CIMAP1D: variants seen among roughly 807,000 people sequenced by gnomAD.
The protein encoded by CIMAP1D is protein CIMAP1D.
At chr19:479,186 G>A in the CIMAP1D span, among the ~76,000 whole-genome samples, 1 of 152,182 alleles carries the variant, frequency 6.6e-6, no homozygotes, top group Non-Finnish European at 1.5e-5. Flanking sequence ...GGGCTGCTGA[G>A]GGCCATCACC....
At chr19:480,758 G>A in the CIMAP1D span, among the ~76,000 whole-genome samples, 11,751 of 86,356 alleles carry the variant, frequency 0.14, 801 homozygotes, top group African/African-American at 0.24. Context: ...CGATGATGGA[G>A]AACGATGATG....
the CIMAP1D span, among the ~76,000 whole-genome samples, chr19:476,037 C>T: frequency 2.8e-5 from 4 of 141,624 alleles, no homozygotes; most frequent in Admixed American, 2.2e-4. Flanking sequence ...CTTGCTCCCC[C>T]GCCCAGGCTG....
chr19:469,025 G>GAAACGTCATCCAAACCTTTGCCCTCC, the CIMAP1D span, among the ~76,000 whole-genome samples: 1 of 151,944 alleles, frequency 6.6e-6, no homozygotes, highest in African/African-American at 2.4e-5. Context: ...AGACCTCCCC[G>GAAACGTCATCCAAACCTTTGCCCTCC]CCACAGGCAC....
chr19:487,388 C>T, the CIMAP1D span, among the ~76,000 whole-genome samples: 1 of 132,772 alleles, frequency 7.5e-6, no homozygotes, highest in South Asian at 2.2e-4. Context: ...ACTAGCCTGG[C>T]TCATGGTCTC....
At chr19:475,035 C>A in the CIMAP1D span, 33 of 330,374 alleles carry the variant, frequency 1.0e-4, no homozygotes, top group Admixed American at 1.5e-3. Flanking sequence ...CAGCAGAGTG[C>A]GTCTCCCGGG....
chr19:486,481 C>A, the CIMAP1D span, among the ~76,000 whole-genome samples: 1 of 151,990 alleles, frequency 6.6e-6, no homozygotes, highest in African/African-American at 2.4e-5. Flanking sequence ...TGCTCTATCA[C>A]CCAGGCTGGA....
At chr19:480,455 GAGGATGATGGGAAGGATGATGGGGA>G in the CIMAP1D span, among the ~76,000 whole-genome samples, 1 of 100,656 alleles carries the variant, frequency 9.9e-6, no homozygotes, top group Non-Finnish European at 1.9e-5. Flanking sequence ...GATGATAGGG[GAGGATGATGGGAAGGATGATGGGGA>G]AGGATGATGG....
chr19:480,863 G>GATGGAGAACA, the CIMAP1D span, among the ~76,000 whole-genome samples: 1 of 137,482 alleles, frequency 7.3e-6, no homozygotes, highest in African/African-American at 3.2e-5. Context: ...GATGGAGAAC[G>GATGGAGAACA]ATGATGGAAA....
At chr19:480,833 GA>G in the CIMAP1D span, among the ~76,000 whole-genome samples, 1 of 138,120 alleles carries the variant, frequency 7.2e-6, no homozygotes, top group African/African-American at 3.2e-5. Flanking sequence ...AAGGATGATG[GA>G]AAGGATGATG....
At chr19:480,304 C>T in the CIMAP1D span, among the ~76,000 whole-genome samples, 3 of 152,326 alleles carry the variant, frequency 2.0e-5, no homozygotes, top group East Asian at 5.8e-4. Flanking sequence ...ACTGTGGGGA[C>T]ACGGGTGACG....
At chr19:474,341 A>G in the CIMAP1D span, among the ~76,000 whole-genome samples, 1 of 152,212 alleles carries the variant, frequency 6.6e-6, no homozygotes, top group South Asian at 2.1e-4. Flanking sequence ...CGTCTCCCGC[A>G]TGATCGCTGT....
chr19:466,552 T>C, the CIMAP1D span, among the ~76,000 whole-genome samples: 3 of 137,332 alleles, frequency 2.2e-5, no homozygotes, highest in Admixed American at 2.2e-4. Flanking sequence ...GGGTGGATGG[T>C]TGGGAGGGTG....
the CIMAP1D span, among the ~76,000 whole-genome samples, chr19:479,811 C>T: frequency 6.6e-6 from 1 of 152,280 alleles, no homozygotes; most frequent in South Asian, 2.1e-4. Flanking sequence ...GCTGGGATGA[C>T]AGGCGTGAGC....
the CIMAP1D span, chr19:472,299 G>A: frequency 1.6e-6 from 1 of 631,002 alleles, no homozygotes; most frequent in Non-Finnish European, 2.5e-6. Flanking sequence ...CACTAACTGG[G>A]GGCCTGGATC....
At chr19:488,024 G>C in the CIMAP1D span, among the ~76,000 whole-genome samples, 1 of 152,086 alleles carries the variant, frequency 6.6e-6, no homozygotes, top group Non-Finnish European at 1.5e-5. Flanking sequence ...CCCCCTGCTT[G>C]TTCAATCGAT....
At chr19:475,764 T>C in the CIMAP1D span, among the ~76,000 whole-genome samples, 1 of 140,716 alleles carries the variant, frequency 7.1e-6, no homozygotes, top group Admixed American at 7.9e-5. Context: ...TTTTGGAGCC[T>C]TTTGCAGTGT....
At chr19:474,607 C>T in the CIMAP1D span, 136 of 1,507,600 alleles carry the variant, frequency 9.0e-5, 2 homozygotes, top group East Asian at 2.7e-3. Flanking sequence ...CCATCCCCCA[C>T]GGCTGGCACG....
the CIMAP1D span, among the ~76,000 whole-genome samples, chr19:486,582 A>T: frequency 3.3e-5 from 5 of 151,828 alleles, no homozygotes; most frequent in East Asian, 9.9e-4. Context: ...CTGGGATTAC[A>T]GGCGCCCGTC....
the CIMAP1D span, among the ~76,000 whole-genome samples, chr19:478,203 G>A: frequency 6.2e-4 from 94 of 152,304 alleles, no homozygotes; most frequent in African/African-American, 1.9e-3. Flanking sequence ...AAAACCAGCC[G>A]AAGTGCAGGA....
Sources: allele counts gnomAD v4.1 joint callset (sites outside exome capture counted in the v4.1 genomes callset), GRCh38; gene constraint gnomAD v4.1.1; transcripts MANE v1.5; gene names NCBI Gene and HGNC (gene_info 2026-07-23, HGNC 2026-07-21).